Variants in VLDLR observed in about 807,000 individuals in gnomAD.
VLDLR encodes the protein very low-density lipoprotein receptor.
In VLDLR, 81 loss-of-function variants were observed where a neutral mutation model predicts 112.7. That is an observed-to-expected ratio of 0.72 (90% CI 0.60 to 0.86). VLDLR has a LOEUF of 0.86. VLDLR is among the 40% of genes least tolerant of loss of function. VLDLR has a pLI of 0.00. For missense variants in VLDLR, 1,237 were observed against 1,099.4 expected, an observed-to-expected ratio of 1.13 and a Z score of -1.77; for synonymous variants, 436 against 384.8, an observed-to-expected ratio of 1.13 and a Z score of -1.56.
chr9:2,626,865 T>C (rs1387379800), intron 1 of VLDLR, among the ~76,000 whole-genome samples: 1 of 152,248 alleles, frequency 6.6e-6, no homozygotes, highest in East Asian at 1.9e-4. Context: ...ACAGGGTTTC[T>C]ATTTTATAGA....
In VLDLR at chr9:2,645,674, T is replaced by C; in HGVS notation, c.1413T>C (p.Thr471=). The C allele has an allele frequency of 1.2e-6, 2 of 1,614,210 alleles. No individual in the cohort carries two copies. Among genetic ancestry groups the C allele is most frequent in the Non-Finnish European group, 1.7e-6 (2 of 1,180,042 alleles). ...AACTAGTTGAACAGCTAAGAAACAC[T>C]GTGGCTCTCGATGCTGACATTGCTG... The part of the protein sequence containing the change: ...YIQLVEQLRN[T]VALDADIAAQ... Residue 471 remains threonine, a synonymous_variant, in exon 10 of 19, where the codon ACT becomes ACC. Coordinates refer to ENST00000382100, the MANE Select transcript of VLDLR (RefSeq NM_003383.5).
chr9:2,653,214 C>G (rs1003896671), intron 18 of VLDLR, among the ~76,000 whole-genome samples: 1 of 152,206 alleles, frequency 6.6e-6, no homozygotes, highest in African/African-American at 2.4e-5. Context: ...CATGTAAATA[C>G]TAGCATGAAC....
chr9:2,644,911 T>TA (rs1338669265), intron 8 of VLDLR, 46 bp from the exon 9 acceptor site: 1 of 1,614,004 alleles, frequency 6.2e-7, no homozygotes, highest in African/African-American at 1.3e-5. Context: ...AGTATGTACC[T>TA]AGTAAGGTAT....
rs1818515576 is a variant in VLDLR, at chr9:2,654,575, A to ATAAC, written c.*711_*714dup. ...TGTGAGCTGTAGTTCTTGATGTTGT[A>ATAAC]TAACTAAGCCTGTAATTGGGCTGGT... On this transcript the variant is annotated 3_prime_UTR_variant, in exon 19 of 19. Transcript: ENST00000382100. 2 of 153,200 alleles carry ATAAC rather than the reference A, an allele frequency of 1.3e-5. No homozygotes were observed. The highest frequency in any genetic ancestry group is 6.5e-5 in the Admixed American group (1 of 15,438). The allele number at this position is 153,200 out of a possible 1,614,324, so 9.5% of individuals were successfully genotyped here. A position where few individuals can be genotyped will look rare whatever the true frequency, so the allele number is the denominator to read the frequency against.
Position 2,643,424 on chromosome 9 carries a change from A to G in VLDLR, c.713A>G (p.Lys238Arg), listed in dbSNP as rs1445614578. Residue 238 changes from lysine to arginine, a missense_variant, in exon 5 of 19, where the codon AAG (lysine) becomes AGG (arginine). Coordinates refer to ENST00000382100, the MANE Select transcript of VLDLR (RefSeq NM_003383.5). ...GGCCGTCAGCCAGTCATACACACCA[A>G]GTGTCCAGCCAGCGAAATCCAGTGC... ...QCGRQPVIHTKCPASEIQCGS... is the reference protein window; with the variant it reads ...QCGRQPVIHTRCPASEIQCGS... 1.2e-6 allele frequency: 2 copies of G among 1,614,192 alleles called. No homozygotes were observed. Among genetic ancestry groups the G allele is most frequent in the African/African-American group, 2.7e-5 (2 of 75,054 alleles).
chr9:2,622,773 A>G (rs7872057), intron 1 of VLDLR, among the ~76,000 whole-genome samples: 1 of 151,882 alleles, frequency 6.6e-6, no homozygotes, highest in Non-Finnish European at 1.5e-5. Flanking sequence ...GCCGGGCTTC[A>G]GAGTCTTCCG....
At chr9:2,648,890 C>A in intron 14 of VLDLR, 80 bp downstream of exon 14, 1 of 1,578,996 alleles carries the variant, frequency 6.3e-7, no homozygotes, top group Non-Finnish European at 8.7e-7. Flanking sequence ...GTCAGTAGCT[C>A]TTGGCAACTC....
rs10967299 is a variant in VLDLR, at chr9:2,640,021, G to A, written c.325+40G>A. The A allele has an allele frequency of 6.3e-3, 10,134 of 1,614,020 alleles. 52 individuals are homozygous for A. The highest frequency in any genetic ancestry group is 7.5e-3 in the Non-Finnish European group (8,825 of 1,179,952). On this transcript the variant is annotated intron_variant, in intron 3 of 18. Transcript: ENST00000382100. ...CTTTGGCCTTGAACTTTGCCAAGTT[G>A]TTCGGTGTCTAACATTTCTAAGTAT... is the stretch of plus-strand genomic sequence containing the variant.
chr9:2,637,861 T>G (rs900619798), intron 2 of VLDLR, among the ~76,000 whole-genome samples: 26 of 152,110 alleles, frequency 1.7e-4, no homozygotes, highest in Non-Finnish European at 3.4e-4. Context: ...GAGAATGGCG[T>G]GAACCCGGGA....
chr9:2,631,398 T>C (rs1817343998), intron 1 of VLDLR, among the ~76,000 whole-genome samples: 1 of 152,078 alleles, frequency 6.6e-6, no homozygotes, highest in South Asian at 2.1e-4. Flanking sequence ...GTAACAAAGA[T>C]ACAGAATCAA....
At chr9:2,644,489 C>T (rs945665975) in intron 7 of VLDLR, among the ~76,000 whole-genome samples, 2 of 151,872 alleles carry the variant, frequency 1.3e-5, no homozygotes, top group African/African-American at 4.8e-5. Flanking sequence ...TATAGTTTAA[C>T]CTCCTTAAAG....
chr9:2,636,062 T>C (rs1817590141), intron 2 of VLDLR, among the ~76,000 whole-genome samples: 2 of 152,204 alleles, frequency 1.3e-5, no homozygotes, highest in South Asian at 4.1e-4. Flanking sequence ...CCTACAATAG[T>C]TGCTAATTCT....
chr9:2,636,114 T>G (rs1222379195), intron 2 of VLDLR, among the ~76,000 whole-genome samples: 1 of 152,156 alleles, frequency 6.6e-6, no homozygotes, highest in Non-Finnish European at 1.5e-5. Context: ...CCCAAGAGAA[T>G]GGGGATACAG....
chr9:2,659,213 A>G lies in VLDLR; in HGVS notation c.*5345A>G, dbSNP rs1818715987. 1 of 152,194 alleles carries G rather than the reference A, an allele frequency of 6.6e-6. No homozygotes were observed. Among genetic ancestry groups the G allele is most frequent in the Non-Finnish European group, 1.5e-5 (1 of 68,034 alleles). The allele number at this position is 152,194 out of a possible 1,614,324, so 9.4% of individuals were successfully genotyped here. A position where few individuals can be genotyped will look rare whatever the true frequency, so the allele number is the denominator to read the frequency against. On this transcript the variant is annotated 3_prime_UTR_variant, in exon 19 of 19. Coordinates refer to ENST00000382100, the MANE Select transcript of VLDLR (RefSeq NM_003383.5). Reference sequence around the variant, plus strand: ...TAAAAACTGAGGCTACAAACAATCTATGGTTCCAAATCCTATGTGCTTACT... The same window carrying G: ...TAAAAACTGAGGCTACAAACAATCTGTGGTTCCAAATCCTATGTGCTTACT...
chr9:2,649,593 T>C (rs35033160), intron 14 of VLDLR, among the ~76,000 whole-genome samples: 22,115 of 152,106 alleles, frequency 0.15, 1,958 homozygotes, highest in Non-Finnish European at 0.19. Flanking sequence ...GGTTTCACCA[T>C]GTTGGCCAGA....
intron 2 of VLDLR, among the ~76,000 whole-genome samples, chr9:2,636,089 G>A (rs1183636941): frequency 1.3e-5 from 2 of 152,086 alleles, no homozygotes; most frequent in African/African-American, 2.4e-5. Flanking sequence ...TTAGCAGGGC[G>A]GAAGACATTC....
rs200656858 is a variant in VLDLR at position 2,643,437 on chromosome 9, C to T, written c.726C>T (p.Ser242=). ...TCATACACACCAAGTGTCCAGCCAG[C>T]GAAATCCAGTGCGGCTCTGGCGAGT... ...QPVIHTKCPA[S]EIQCGSGECI... is the part of the protein sequence containing the mutation. Residue 242 remains serine, a synonymous_variant, in exon 5 of 19, where the codon AGC becomes AGT. Coordinates refer to ENST00000382100, the MANE Select transcript of VLDLR (RefSeq NM_003383.5). 9.9e-6 allele frequency: 16 copies of T among 1,614,170 alleles called. No homozygotes were observed. Among genetic ancestry groups the T allele is most frequent in the Middle Eastern group, 1.6e-4 (1 of 6,062 alleles).
At chr9:2,644,014 T>C in intron 7 of VLDLR, 55 bp downstream of exon 7, 2 of 1,613,334 alleles carry the variant, frequency 1.2e-6, no homozygotes, top group South Asian at 2.2e-5. Flanking sequence ...CAATCCAGTA[T>C]AGCTAACACT....
chr9:2,641,827 T>C (rs1238203316), intron 4 of VLDLR, among the ~76,000 whole-genome samples: 2 of 152,192 alleles, frequency 1.3e-5, no homozygotes, highest in Non-Finnish European at 2.9e-5. Context: ...TTTTGCACTT[T>C]GGCACAATAA....
Sources: gnomAD v4.1 joint callset for allele counts (sites outside exome capture counted in the v4.1 genomes callset) on GRCh38, gnomAD v4.1.1 for gene constraint, MANE v1.5 for transcripts, NCBI Gene and HGNC (gene_info 2026-07-23, HGNC 2026-07-21) for gene names.